The following C16orf89 variants were observed in gnomAD, a reference collection of about 807,000 sequenced individuals.
The protein encoded by C16orf89 is chromosome 16 open reading frame 89, also known as UPF0764 protein C16orf89.
A neutral mutation model predicts 41.5 loss-of-function variants in C16orf89; 57 were observed. The observed-to-expected ratio is 1.38, with a 90% CI of 1.11 to 1.71. The LOEUF is 1.71. Ranked by LOEUF, C16orf89 falls within the 40% of genes most tolerant of loss-of-function variation. The pLI, the probability that C16orf89 is intolerant of heterozygous loss-of-function variation, is 0.00. For missense variants in C16orf89, 575 were observed against 445.9 expected, an observed-to-expected ratio of 1.29 and a Z score of -2.61; for synonymous variants, 223 against 190.6, an observed-to-expected ratio of 1.17 and a Z score of -1.40.
intron 2 of C16orf89, among the ~76,000 whole-genome samples, chr16:5,060,661 G>A (rs1956598720): frequency 6.6e-6 from 1 of 152,104 alleles, no homozygotes; most frequent in South Asian, 2.1e-4. Flanking sequence ...TGATGGGACG[G>A]GATTTGACTA....
At chr16:5,059,730 A>T (rs188991358) in intron 3 of C16orf89, among the ~76,000 whole-genome samples, 6 of 152,250 alleles carry the variant, frequency 3.9e-5, no homozygotes, top group African/African-American at 9.6e-5. Context: ...CTGCATCCTC[A>T]CTGGGGATGG....
chr16:5,052,867 A>G (rs1247854877), intron 6 of C16orf89, among the ~76,000 whole-genome samples: 5 of 152,238 alleles, frequency 3.3e-5, no homozygotes, highest in African/African-American at 7.2e-5. Flanking sequence ...GCCAAGATAC[A>G]GCAACCTGAG....
intron 6 of C16orf89, among the ~76,000 whole-genome samples, chr16:5,049,703 C>T (rs1956363020): frequency 6.6e-6 from 1 of 151,890 alleles, no homozygotes; most frequent in African/African-American, 2.4e-5. Flanking sequence ...ATAGCAAAAC[C>T]AGTATTAAGA....
intron 1 of C16orf89, 108 bp downstream of exon 1, chr16:5,065,593 A>T: frequency 7.7e-7 from 1 of 1,291,410 alleles, no homozygotes; most frequent in Non-Finnish European, 1.1e-6. Flanking sequence ...GAGGCAGGCT[A>T]TACTGGGGCC....
chr16:5,044,498 T>A lies in C16orf89; in HGVS notation c.956-20A>T, dbSNP rs776531500. 4.2e-5 allele frequency: 68 copies of A among 1,611,586 alleles called. No individual in the cohort carries two copies. The South Asian group carries it at 7.4e-4, about 17-fold the overall frequency. ...AGCCATCTAGGGGAGAGAGCCCCCA[T>A]GAGTGCTGGGTGGCAAGAACCTTGG... On this transcript the variant is annotated intron_variant, in intron 7 of 7. Coordinates refer to ENST00000472572, the MANE Select transcript of C16orf89 (RefSeq NM_001098514.3).
At chr16:5,058,112 C>T (rs1325389855) in intron 4 of C16orf89, among the ~76,000 whole-genome samples, 2 of 152,076 alleles carry the variant, frequency 1.3e-5, no homozygotes, top group Non-Finnish European at 1.5e-5. Context: ...CTGCCATGAG[C>T]CCTTTTTCAT....
In C16orf89 at chr16:5,055,761, A is replaced by C. The variant is rs775787206; in HGVS notation, c.763+292T>G. On this transcript the variant is annotated intron_variant, in intron 5 of 7. Transcript: ENST00000472572. Reference sequence around the variant, plus strand: ...GAAACTGTCACACAGTGGCAGGTAAAATACAGGATGCCCAGTTACATTTGA... The same window carrying C: ...GAAACTGTCACACAGTGGCAGGTAACATACAGGATGCCCAGTTACATTTGA... 205 of 1,526,238 alleles carry C rather than the reference A, an allele frequency of 1.3e-4. 1 individual carries two copies. Among genetic ancestry groups the C allele is most frequent in the Admixed American group, 4.3e-4 (22 of 50,986 alleles). The allele number at this position is 1,526,238 out of a possible 1,614,324, so 94.5% of individuals were successfully genotyped here.
Position 5,065,705 on chromosome 16 carries a change from C to G in C16orf89, c.204G>C (p.Leu68=). The change falls in exon 1 of 8, where the codon CTG becomes CTC. Residue 68 remains leucine (L), a synonymous_variant. Transcript: ENST00000472572. Reference sequence around the variant, plus strand: ...GAGGAATTGGGGCTCACTCACCTTCCAGCACTCGGACCCCCACCATGCCAT... The same window carrying G: ...GAGGAATTGGGGCTCACTCACCTTCGAGCACTCGGACCCCCACCATGCCAT... ...NLDGMVGVRV[L]EEQLKSVREK... is the part of the protein sequence containing the mutation. The G allele has an allele frequency of 6.2e-7, 1 of 1,612,454 alleles. No individual in the cohort carries two copies.
Position 5,056,153 on chromosome 16 carries a change from C to T in C16orf89, c.663G>A (p.Gln221=), listed in dbSNP as rs777560889. The change falls in exon 5 of 8, where the codon CAG becomes CAA. Residue 221 remains glutamine (Q), a synonymous_variant. Coordinates refer to ENST00000472572, the MANE Select transcript of C16orf89 (RefSeq NM_001098514.3). ...GCTQGPLQQS[Q]DYINLFCANM... is the part of the protein sequence containing the mutation. ...TGGCGCAGAAGAGGTTGATATAGTC[C>T]TGGCTCTGTTGGAGTGGTCCCTGTG... The T allele has an allele frequency of 1.3e-6, 2 of 1,595,320 alleles. No individual in the cohort carries two copies. Among genetic ancestry groups the T allele is most frequent in the Non-Finnish European group, 1.7e-6 (2 of 1,164,106 alleles).
At chr16:5,045,063 A>G (rs1399136123) in intron 7 of C16orf89, among the ~76,000 whole-genome samples, 1 of 152,144 alleles carries the variant, frequency 6.6e-6, no homozygotes, top group Non-Finnish European at 1.5e-5. Flanking sequence ...CTCTGGTGCA[A>G]TTTATGCTCC....
Position 5,056,196 on chromosome 16 carries a change from G to C in C16orf89, c.628-8C>G. 6.3e-7 allele frequency: 1 copy of C among 1,579,668 alleles called. No individual in the cohort carries two copies. Among genetic ancestry groups the C allele is most frequent in the Non-Finnish European group, 8.7e-7 (1 of 1,152,092 alleles). On this transcript the variant is annotated splice_region_variant and splice_polypyrimidine_tract_variant and intron_variant, in intron 4 of 7. Coordinates refer to ENST00000472572, the MANE Select transcript of C16orf89 (RefSeq NM_001098514.3). The stretch of plus-strand genomic sequence containing the variant: ...TCCCTGTGTGCACCCCCTCTGGGGA[G>C]ACAAACACCCAAAGACAAGGGAGTC...
intron 6 of C16orf89, among the ~76,000 whole-genome samples, chr16:5,049,143 A>C (rs568053698): frequency 1.3e-5 from 2 of 152,368 alleles, no homozygotes; most frequent in East Asian, 3.9e-4. Context: ...ATGATAAGGA[A>C]TTTAGCAAGA....
At chr16:5,060,945 C>CT (rs386384101) in intron 2 of C16orf89, among the ~76,000 whole-genome samples, 4,615 of 93,478 alleles carry the variant, frequency 0.049, 295 homozygotes, top group African/African-American at 0.13. Context: ...TATGATCAGC[C>CT]TTTTTTTTTT....
In C16orf89 at chr16:5,046,858, G is replaced by A. The variant is rs114144809; in HGVS notation, c.955+1020C>T. Among the ~76,000 whole-genome samples, 543 of 152,052 alleles carry A rather than the reference G, an allele frequency of 3.6e-3. 2 individuals are homozygous for A. The highest frequency in any genetic ancestry group is 9.2e-3 in the African/African-American group (381 of 41,446). On this transcript the variant is annotated intron_variant, in intron 7 of 7. Transcript: ENST00000472572. ...CCAACTGACCATACAGTTTATTGTC[G>A]CAACCAGGACACTTTGGAGGAAAGA... is the stretch of plus-strand genomic sequence containing the variant.
At chr16:5,055,651 C>A (rs1314110361) in intron 5 of C16orf89, 1 of 1,514,048 alleles carries the variant, frequency 6.6e-7, no homozygotes, top group Non-Finnish European at 8.9e-7. Context: ...CTGTCTGCCT[C>A]ATCCATAAGG....
At chr16:5,045,808 A>G (rs1956285327) in intron 7 of C16orf89, among the ~76,000 whole-genome samples, 1 of 152,094 alleles carries the variant, frequency 6.6e-6, no homozygotes, top group South Asian at 2.1e-4. Context: ...CCTAATCTCT[A>G]CACCAGCTGC....
chr16:5,054,077 A>G (rs1223139304), intron 6 of C16orf89, among the ~76,000 whole-genome samples: 2 of 152,172 alleles, frequency 1.3e-5, no homozygotes, highest in African/African-American at 2.4e-5. Flanking sequence ...AGGCCTAAGA[A>G]TCTTCATCGT....
At chr16:5,061,548 G>A (rs904263198) in intron 2 of C16orf89, among the ~76,000 whole-genome samples, 47 of 150,668 alleles carry the variant, frequency 3.1e-4, no homozygotes, top group African/African-American at 1.1e-3. Flanking sequence ...AATTAGTGGG[G>A]AGGTGATATT....
chr16:5,055,222 A>C lies in C16orf89; in HGVS notation c.868+24T>G, dbSNP rs771417886. 7 of 1,552,102 alleles carry C rather than the reference A, an allele frequency of 4.5e-6. No individual in the cohort carries two copies. The East Asian group carries it at 1.6e-4, about 36-fold the overall frequency. ...CCCCACCCCCACTGCCCCCCTTCTT[A>C]GCCAGGGCAGCAGCGCAGCTCACCA... On this transcript the variant is annotated intron_variant, in intron 6 of 7. Coordinates refer to ENST00000472572, the MANE Select transcript of C16orf89 (RefSeq NM_001098514.3).
Sources: gnomAD v4.1 joint callset for allele counts (sites outside exome capture counted in the v4.1 genomes callset) on GRCh38, gnomAD v4.1.1 for gene constraint, MANE v1.5 for transcripts, NCBI Gene and HGNC (gene_info 2026-07-23, HGNC 2026-07-21) for gene names.